Variants in GPC4 observed in about 807,000 individuals in gnomAD.
GPC4 encodes glypican-4.
In GPC4, 10 loss-of-function variants were observed where a neutral mutation model predicts 35.0. The ratio of observed to expected loss-of-function variants is 0.29; its 90% CI spans 0.18 to 0.48. GPC4 has a LOEUF of 0.48. Ranked by LOEUF, GPC4 falls within the 20% of genes least tolerant of loss-of-function variation. GPC4 has a pLI of 0.99. For missense variants in GPC4, 322 were observed against 451.3 expected (o/e 0.71, Z 2.60); for synonymous variants, 167 against 170.2 (o/e 0.98, Z 0.15).
At chrX:133,309,697 A>G (rs957659089) in intron 4 of GPC4, among the ~76,000 whole-genome samples, 6 of 112,533 alleles carry the variant, frequency 5.3e-5, no homozygotes, top group African/African-American at 1.9e-4. Context: ...GAAAAGGATC[A>G]CCAACTTTCT....
chrX:133,308,813 A>G (rs990949562), intron 4 of GPC4, among the ~76,000 whole-genome samples: 2 of 111,025 alleles, frequency 1.8e-5, no homozygotes, highest in African/African-American at 6.6e-5. Flanking sequence ...TTCCTTTTGC[A>G]TTGTGCTGCC....
chrX:133,350,302 C>A (rs750238946), intron 1 of GPC4, among the ~76,000 whole-genome samples: 1 of 110,769 alleles, frequency 9.0e-6, no homozygotes, highest in African/African-American at 3.3e-5. Flanking sequence ...GTGGGAGGAT[C>A]GCTTCAGCCC....
chrX:133,312,858 T>C, intron 3 of GPC4, among the ~76,000 whole-genome samples: 1 of 111,120 alleles, frequency 9.0e-6, no homozygotes, highest in East Asian at 2.8e-4. Context: ...TTTCATCTAG[T>C]TTTATAAAGT....
intron 1 of GPC4, among the ~76,000 whole-genome samples, chrX:133,397,477 A>G (rs769648751): frequency 2.7e-4 from 30 of 110,219 alleles, no homozygotes; most frequent in Non-Finnish European, 4.0e-4. Flanking sequence ...GGATCATCTA[A>G]GGCTGGGAGG....
chrX:133,352,832 T>C (rs888709438), intron 1 of GPC4, among the ~76,000 whole-genome samples: 6 of 111,477 alleles, frequency 5.4e-5, no homozygotes, highest in Non-Finnish European at 1.9e-5. Context: ...GGCAAGGTAT[T>C]GATTAGCCAA....
intron 1 of GPC4, among the ~76,000 whole-genome samples, chrX:133,344,153 CTCTTTCTTTCTTTCTTTATTT>C (rs1447519438): frequency 2.2e-5 from 2 of 88,970 alleles, no homozygotes; most frequent in African/African-American, 3.8e-5. Flanking sequence ...TGACTATTTT[CTCTTTCTTTCTTTCTTTATTT>C]TCTTTCTTTC....
At chrX:133,325,983 C>G (rs1395354571) in intron 2 of GPC4, among the ~76,000 whole-genome samples, 2 of 109,629 alleles carry the variant, frequency 1.8e-5, no homozygotes, top group African/African-American at 6.7e-5. Flanking sequence ...CACAGTCCTC[C>G]CTGGTTCCAG....
intron 1 of GPC4, among the ~76,000 whole-genome samples, chrX:133,340,073 G>A (rs2068460036): frequency 9.0e-6 from 1 of 110,958 alleles, no homozygotes; most frequent in Admixed American, 9.7e-5. Context: ...ATGTAGTGAT[G>A]CAGCCCCAAG....
At chrX:133,313,024 A>T (rs2068323306) in intron 3 of GPC4, among the ~76,000 whole-genome samples, 1 of 111,969 alleles carries the variant, frequency 8.9e-6, no homozygotes. Flanking sequence ...TGGAGTCAGT[A>T]TCAGAGGATT....
chrX:133,331,216 G>A (rs1282002393), intron 2 of GPC4, among the ~76,000 whole-genome samples: 10 of 111,646 alleles, frequency 9.0e-5, no homozygotes, highest in African/African-American at 2.6e-4. Context: ...AGTATTGTAA[G>A]GTCCCTTTTG....
At chrX:133,400,179 C>A (rs1429145272) in intron 1 of GPC4, among the ~76,000 whole-genome samples, 2 of 111,827 alleles carry the variant, frequency 1.8e-5, no homozygotes, top group Non-Finnish European at 3.8e-5. Context: ...CCATGTAAGC[C>A]AAGATAACTC....
chrX:133,322,018 G>A (rs953202818), intron 3 of GPC4, among the ~76,000 whole-genome samples: 1 of 111,496 alleles, frequency 9.0e-6, no homozygotes, highest in Admixed American at 9.5e-5. Context: ...AAAATCCCAT[G>A]AGCACCTATT....
chrX:133,414,718 A>AG, intron 1 of GPC4, 88 bp downstream of exon 1: 1 of 1,175,670 alleles, frequency 8.5e-7, no homozygotes, highest in Non-Finnish European at 1.1e-6. Context: ...CGTCCGGCGC[A>AG]GGGGGCGGCG....
intron 1 of GPC4, among the ~76,000 whole-genome samples, chrX:133,397,677 C>G (rs898442172): frequency 1.8e-5 from 2 of 112,054 alleles, no homozygotes; most frequent in African/African-American, 6.5e-5. Context: ...AGCCCACACC[C>G]TGAGTGCCTC....
chrX:133,342,203 A>G (rs1194421301), intron 1 of GPC4, among the ~76,000 whole-genome samples: 2 of 108,151 alleles, frequency 1.8e-5, no homozygotes, highest in African/African-American at 6.7e-5. Context: ...TGCCTGGCTA[A>G]TTTTTGTACT....
intron 1 of GPC4, among the ~76,000 whole-genome samples, chrX:133,381,703 T>C (rs1432607351): frequency 1.8e-5 from 2 of 112,657 alleles, no homozygotes; most frequent in African/African-American, 6.4e-5. Context: ...CTAAGTTTCT[T>C]TGGTTCCTTT....
At chrX:133,367,408 GA>G (rs1457766370) in intron 1 of GPC4, among the ~76,000 whole-genome samples, 9 of 112,179 alleles carry the variant, frequency 8.0e-5, no homozygotes, top group Admixed American at 1.9e-4. Context: ...TTATGTCTAG[GA>G]AAAAATGTAA....
Position 133,394,798 on chromosome X carries a change from C to T in GPC4, c.160+20008G>A, listed in dbSNP as rs1483197103. Among the ~76,000 whole-genome samples the T allele has an allele frequency of 5.9e-4, 66 of 111,647 alleles. No individual in the cohort carries two copies. In the Admixed American group the frequency reaches 6.2e-3, roughly 11 times the overall value. On this transcript the variant is annotated intron_variant, in intron 1 of 8. Transcript: ENST00000370828. Reference sequence around the variant, plus strand: ...TAAAGACCCAAGACAACACCATGGACCTAAAATCCTGACTTTCTCACCTGT... The same window carrying T: ...TAAAGACCCAAGACAACACCATGGATCTAAAATCCTGACTTTCTCACCTGT...
In GPC4 at chrX:133,306,261, G is replaced by T. The variant is rs940806139; in HGVS notation, c.878-107C>A. 1.6e-4 allele frequency: 143 copies of T among 870,303 alleles called. 1 individual carries two copies. In the African/African-American group the frequency reaches 2.7e-3, roughly 17 times the overall value. The allele number at this position is 870,303 out of a possible 1,213,427, so 71.7% of individuals were successfully genotyped here. ...TTTTCTGTCTGTTTCCTGCATGGGG[G>T]CAGGGGAAGTAAGGCATGGATCATA... On this transcript the variant is annotated intron_variant, in intron 4 of 8. Transcript: ENST00000370828.
Sources: gnomAD v4.1 joint callset for allele counts (sites outside exome capture counted in the v4.1 genomes callset) on GRCh38, gnomAD v4.1.1 for gene constraint, MANE v1.5 for transcripts, NCBI Gene and HGNC (gene_info 2026-07-23, HGNC 2026-07-21) for gene names.